Variants in IL1RAPL2 observed in about 807,000 individuals in gnomAD.
IL1RAPL2 encodes the protein interleukin 1 receptor accessory protein like 2.
Under a neutral mutation model 44.1 loss-of-function variants are expected in IL1RAPL2, and 3 were observed. The observed-to-expected ratio is 0.07, with a 90% CI of 0.03 to 0.18. The LOEUF (loss-of-function observed/expected upper bound fraction) is 0.18, where lower values mean the gene tolerates loss of function less well. Among genes scored for constraint, IL1RAPL2 ranks in the 10% least tolerant of loss-of-function variants. The pLI is 1.00. For missense variants in IL1RAPL2, 391 were observed against 496.4 expected (o/e 0.79, Z 2.02); for synonymous variants, 181 against 178.8 (o/e 1.01, Z -0.10).
intron 1 of IL1RAPL2, among the ~76,000 whole-genome samples, chrX:104,656,397 A>G (rs1930262284): frequency 1.8e-5 from 2 of 112,128 alleles, no homozygotes; most frequent in African/African-American, 6.5e-5. Context: ...CTGGTTTCAA[A>G]GAACATCTTT....
At chrX:105,001,296 C>G (rs934266503) in intron 2 of IL1RAPL2, among the ~76,000 whole-genome samples, 3 of 111,248 alleles carry the variant, frequency 2.7e-5, no homozygotes, top group East Asian at 2.9e-4. Flanking sequence ...AACATTGCCT[C>G]TGCTATGATT....
At chrX:105,540,147 A>G (rs2036709059) in intron 6 of IL1RAPL2, among the ~76,000 whole-genome samples, 1 of 111,606 alleles carries the variant, frequency 9.0e-6, no homozygotes, top group Non-Finnish European at 1.9e-5. Context: ...CAATAAACTT[A>G]AAACAGAACT....
chrX:105,316,333 A>T (rs185850314), intron 5 of IL1RAPL2, among the ~76,000 whole-genome samples: 162 of 112,087 alleles, frequency 1.4e-3, no homozygotes, highest in Middle Eastern at 4.6e-3. Context: ...CATTATAAAA[A>T]AATCTGCTTG....
At chrX:104,629,521 G>A (rs1274200570) in intron 1 of IL1RAPL2, among the ~76,000 whole-genome samples, 2 of 111,710 alleles carry the variant, frequency 1.8e-5, no homozygotes, top group Admixed American at 1.9e-4. Flanking sequence ...CTGTCCAGAA[G>A]CTTTTTAGTT....
intron 1 of IL1RAPL2, among the ~76,000 whole-genome samples, chrX:104,598,283 G>A (rs1324537898): frequency 1.8e-5 from 2 of 111,814 alleles, no homozygotes; most frequent in East Asian, 2.8e-4. Flanking sequence ...GGAAGGCAGA[G>A]GGTTGTAGGT....
chrX:105,426,007 A>T (rs954192907), intron 5 of IL1RAPL2, among the ~76,000 whole-genome samples: 25 of 96,522 alleles, frequency 2.6e-4, no homozygotes, highest in African/African-American at 7.5e-4. Context: ...TTTCTTGTTT[A>T]TTTTTTCTGT....
intron 2 of IL1RAPL2, among the ~76,000 whole-genome samples, chrX:104,764,459 G>A (rs1206929885): frequency 1.8e-5 from 2 of 111,889 alleles, no homozygotes; most frequent in East Asian, 5.6e-4. Flanking sequence ...TTCTTGTGGA[G>A]TCTTTAGGTT....
intron 2 of IL1RAPL2, among the ~76,000 whole-genome samples, chrX:104,920,518 GC>G (rs1181127834): frequency 1.0e-5 from 1 of 97,798 alleles, no homozygotes; most frequent in African/African-American, 3.8e-5. Context: ...AAAGTGTGTG[GC>G]CCCTCCCCTC....
chrX:105,133,925 G>A (rs921574631), intron 2 of IL1RAPL2, among the ~76,000 whole-genome samples: 12 of 111,442 alleles, frequency 1.1e-4, no homozygotes, highest in Admixed American at 1.9e-4. Context: ...ACCCGTAGTC[G>A]GACCATAGCA....
At chrX:105,552,086 A>G (rs1034539889) in intron 6 of IL1RAPL2, among the ~76,000 whole-genome samples, 17 of 106,338 alleles carry the variant, frequency 1.6e-4, no homozygotes, top group Non-Finnish European at 2.9e-4. Flanking sequence ...AGCCTGGGCG[A>G]CAGAGCCAGA....
chrX:104,894,484 C>G (rs775920848), intron 2 of IL1RAPL2, among the ~76,000 whole-genome samples: 7 of 111,438 alleles, frequency 6.3e-5, no homozygotes, highest in Non-Finnish European at 1.1e-4. Context: ...TATTTTGTTT[C>G]TTTTTACTCT....
In IL1RAPL2 at chrX:104,670,692, C is replaced by A. The variant is rs753507551; in HGVS notation, c.82+11697C>A. Among the ~76,000 whole-genome samples the A allele has an allele frequency of 5.4e-5, 6 of 110,875 alleles. No homozygotes were observed. In the East Asian group the frequency reaches 1.1e-3, roughly 21 times the overall value. On this transcript the variant is annotated intron_variant, in intron 2 of 10. Transcript: ENST00000372582. Reference sequence around the variant, plus strand: ...TGCTAAGGTTTGTGGTATATATGGTCCTGTCACCCAGGTAGTGAGCGTAGT... The same window carrying A: ...TGCTAAGGTTTGTGGTATATATGGTACTGTCACCCAGGTAGTGAGCGTAGT...
At chrX:105,209,896 G>A (rs2033794454) in intron 3 of IL1RAPL2, among the ~76,000 whole-genome samples, 1 of 111,330 alleles carries the variant, frequency 9.0e-6, no homozygotes, top group South Asian at 3.9e-4. Flanking sequence ...TCCCTTCCTG[G>A]AATTATTCAC....
intron 7 of IL1RAPL2, among the ~76,000 whole-genome samples, chrX:105,723,596 A>G (rs747688964): frequency 1.8e-5 from 2 of 111,594 alleles, no homozygotes; most frequent in South Asian, 3.8e-4. Context: ...TTGGGATTCT[A>G]TAACAAGATA....
intron 2 of IL1RAPL2, among the ~76,000 whole-genome samples, chrX:104,704,902 G>T (rs1283456601): frequency 9.0e-6 from 1 of 111,514 alleles, no homozygotes; most frequent in East Asian, 2.8e-4. Flanking sequence ...GATAGCCTGA[G>T]GTTTGAAGAA....
At chrX:105,568,334 C>T (rs1249931440) in intron 6 of IL1RAPL2, among the ~76,000 whole-genome samples, 1 of 112,071 alleles carries the variant, frequency 8.9e-6, no homozygotes, top group Non-Finnish European at 1.9e-5. Flanking sequence ...TACCACATAA[C>T]ATGGATTTAT....
intron 1 of IL1RAPL2, among the ~76,000 whole-genome samples, chrX:104,570,233 C>A (rs1185275144): frequency 8.9e-6 from 1 of 111,992 alleles, no homozygotes; most frequent in Non-Finnish European, 1.9e-5. Context: ...GTCCCTTGAT[C>A]CTAGGTCAGA....
At chrX:105,639,602 GAATT>G (rs1324431225) in intron 6 of IL1RAPL2, among the ~76,000 whole-genome samples, 4 of 111,105 alleles carry the variant, frequency 3.6e-5, no homozygotes, top group Admixed American at 2.9e-4. Flanking sequence ...TAGAAAACTG[GAATT>G]AATTACTCTC....
At chrX:105,124,070 C>CA (rs1300464607) in intron 2 of IL1RAPL2, among the ~76,000 whole-genome samples, 1 of 111,059 alleles carries the variant, frequency 9.0e-6, no homozygotes, top group African/African-American at 3.3e-5. Flanking sequence ...TTTTAAGGCA[C>CA]AACCTTGACT....
Sources: allele counts gnomAD v4.1 joint callset (sites outside exome capture counted in the v4.1 genomes callset), GRCh38; gene constraint gnomAD v4.1.1; transcripts MANE v1.5; gene names NCBI Gene and HGNC (gene_info 2026-07-23, HGNC 2026-07-21).